The following SORBS2 variants were observed in gnomAD, a reference collection of about 807,000 sequenced individuals.
The protein encoded by SORBS2 is sorbin and SH3 domain containing 2, also known as sorbin and SH3 domain-containing protein 2.
A neutral mutation model predicts 97.7 loss-of-function variants in SORBS2; 46 were observed. The observed-to-expected ratio is 0.47, with a 90% confidence interval of 0.37 to 0.60. SORBS2 has a LOEUF of 0.60. Ranked by LOEUF, SORBS2 falls within the 20% of genes least tolerant of loss-of-function variation. The probability of loss-of-function intolerance (pLI) is 0.00; values close to 1 mark genes in which losing one functional copy is unlikely to be tolerated. For synonymous variants in SORBS2, 476 were observed against 473.4 expected (o/e 1.01, Z -0.07); for missense variants, 1,316 against 1,282.3 (o/e 1.03, Z -0.40).
At chr4:185,657,481 C>T (rs748231747), upstream of SORBS2, 40 of 1,566,902 alleles carry the variant, frequency 2.6e-5, no homozygotes, top group Admixed American at 6.5e-4. Context: ...CTGGGTAATG[C>T]GGGGCTTTGA....
chr4:185,856,699 T>C lies in SORBS2; in HGVS notation c.-337-81333A>G, dbSNP rs535448957. ...ATTTGGAGATGGGGCCTTTGGGAAG[T>C]ATATTAGTTCATTCTCAGGTTGCTA... On this transcript the variant is annotated intron_variant, in intron 1 of 20. Coordinates refer to the SORBS2 transcript ENST00000284776. 2.6e-5 allele frequency among the ~76,000 whole-genome samples: 4 copies of C among 152,282 alleles called. No individual in the cohort carries two copies. In the South Asian group the frequency reaches 8.3e-4, roughly 32 times the overall value.
chr4:185,888,607 T>C (rs1255933895), intron 1 of SORBS2, among the ~76,000 whole-genome samples: 1 of 152,250 alleles, frequency 6.6e-6, no homozygotes, highest in Admixed American at 6.5e-5. Flanking sequence ...GTGTTCTTTC[T>C]TCTAGAGTTT....
intron 1 of SORBS2, among the ~76,000 whole-genome samples, chr4:185,922,153 C>A (rs1021964925): frequency 4.6e-5 from 7 of 152,194 alleles, no homozygotes; most frequent in African/African-American, 1.4e-4. Flanking sequence ...CAGGAGAATT[C>A]TTTTAGCTTT....
intron 1 of SORBS2, among the ~76,000 whole-genome samples, chr4:185,831,213 G>C (rs1244501996): frequency 6.6e-6 from 1 of 152,050 alleles, no homozygotes; most frequent in Admixed American, 6.5e-5. Context: ...GGATATTTTG[G>C]GCTCTTCTCT....
At chr4:185,913,726 G>A (rs1221504540) in intron 1 of SORBS2, among the ~76,000 whole-genome samples, 1 of 152,082 alleles carries the variant, frequency 6.6e-6, no homozygotes, top group Non-Finnish European at 1.5e-5. Flanking sequence ...AAAACTAGAA[G>A]AGATTCTCAT....
At chr4:185,877,874 C>CAAAAAAAAAAAAAAAAAAAAAAAAA (rs1435447743) in intron 1 of SORBS2, among the ~76,000 whole-genome samples, 1 of 81,128 alleles carries the variant, frequency 1.2e-5, no homozygotes, top group Non-Finnish European at 2.5e-5. Context: ...TGTCAAAAAA[C>CAAAAAAAAAAAAAAAAAAAAAAAAA]AAAAAAAAAA....
At chr4:185,664,577 C>T (rs2097570359) in intron 4 of SORBS2, among the ~76,000 whole-genome samples, 1 of 152,136 alleles carries the variant, frequency 6.6e-6, no homozygotes, top group Non-Finnish European at 1.5e-5. Flanking sequence ...GAGGGACTCG[C>T]TATGGGGTTA....
chr4:185,940,284 C>A (rs1375296477), intron 1 of SORBS2, among the ~76,000 whole-genome samples: 1 of 152,228 alleles, frequency 6.6e-6, no homozygotes, highest in African/African-American at 2.4e-5. Flanking sequence ...CCAGTTACCA[C>A]TTGCAGGATC....
exon 15 of SORBS2, chr4:185,586,219 C>G (rs2095800171): frequency 2.0e-5 from 3 of 152,734 alleles, no homozygotes; most frequent in African/African-American, 7.2e-5. Flanking sequence ...ATGAACAGTT[C>G]TTATGCAAAG....
intron 2 of SORBS2, among the ~76,000 whole-genome samples, chr4:185,685,536 A>C (rs190611942): frequency 6.6e-6 from 1 of 152,244 alleles, no homozygotes; most frequent in African/African-American, 2.4e-5. Flanking sequence ...TTACTTTTTA[A>C]ATTTTTATTT....
At chr4:185,942,596 G>A (rs566467766) in intron 1 of SORBS2, among the ~76,000 whole-genome samples, 11 of 152,102 alleles carry the variant, frequency 7.2e-5, no homozygotes, top group Admixed American at 1.3e-4. Context: ...TGATCCACCC[G>A]CCTCGGCCTC....
At chr4:185,858,016 T>C (rs1434232858) in intron 1 of SORBS2, among the ~76,000 whole-genome samples, 1 of 152,192 alleles carries the variant, frequency 6.6e-6, no homozygotes, top group Admixed American at 6.5e-5. Context: ...TGTGACCTAC[T>C]CCCTGTTCAT....
In SORBS2 at chr4:185,643,860, C is replaced by T. The variant is rs115611814; in HGVS notation, c.396+2808G>A. ...ATGCATGAATAAGACCTTGATACCC[C>T]TCAGCGCTGGCCATCGCTGCGACGC... On this transcript the variant is annotated intron_variant, in intron 4 of 14. Transcript: ENST00000418609. Among the ~76,000 whole-genome samples the T allele has an allele frequency of 3.1e-3, 465 of 152,288 alleles. 2 individuals carry two copies. Among genetic ancestry groups the T allele is most frequent in the African/African-American group, 0.011 (452 of 41,562 alleles).
intron 1 of SORBS2, among the ~76,000 whole-genome samples, chr4:185,786,997 A>G (rs1227784467): frequency 1.5e-5 from 2 of 136,160 alleles, no homozygotes; most frequent in African/African-American, 2.8e-5. Flanking sequence ...AAAAAAAAAT[A>G]GCAGACAACC....
chr4:185,602,439 A>G (rs1040031561), intron 12 of SORBS2, among the ~76,000 whole-genome samples: 4 of 152,264 alleles, frequency 2.6e-5, no homozygotes, highest in Non-Finnish European at 4.4e-5. Context: ...TGTAATCTAT[A>G]AAGTGGTAGG....
intron 1 of SORBS2, among the ~76,000 whole-genome samples, chr4:185,898,480 G>A (rs1173131912): frequency 1.3e-5 from 2 of 152,214 alleles, no homozygotes; most frequent in East Asian, 1.9e-4. Context: ...TTCACTGGAC[G>A]ATGAAAGACT....
intron 1 of SORBS2, among the ~76,000 whole-genome samples, chr4:185,798,178 C>T (rs2099114638): frequency 6.6e-6 from 1 of 152,134 alleles, no homozygotes; most frequent in African/African-American, 2.4e-5. Flanking sequence ...CATGCCAGAC[C>T]TCACCCTACA....
chr4:185,606,071 CT>C lies in SORBS2; in HGVS notation c.2796+5708del. ...AAGTGCTGTTTTTCTTTTCTGTTGT[CT>C]TTGTTTATTATTAGCATTATTATTT... On this transcript the variant is annotated intron_variant, in intron 12 of 14. Transcript: ENST00000418609. The surrounding 1 kb of genome is among the most constrained non-coding windows in gnomAD (Gnocchi z 4.3). 13 of 984,724 alleles carry C rather than the reference CT, an allele frequency of 1.3e-5. No homozygotes were observed. The South Asian group carries it at 6.1e-4, about 46-fold the overall frequency. The allele number at this position is 984,724 out of a possible 1,614,324, so 61.0% of individuals were successfully genotyped here.
At position 185,649,700 on chromosome 4, in the gene SORBS2, T is replaced by A. The variant is rs765453020; in HGVS notation, c.92-44A>T. On this transcript the variant is annotated intron_variant, in intron 2 of 14. Coordinates refer to ENST00000418609, the Ensembl canonical transcript of SORBS2. ...AAAGCAGACAAAAAACAGAAGCAAA[T>A]CACCTCTTAAAAATGAATTAAATTA... 44 of 1,257,338 alleles carry A rather than the reference T, an allele frequency of 3.5e-5. No individual in the cohort carries two copies. The East Asian group carries it at 6.2e-4, about 18-fold the overall frequency. The allele number at this position is 1,257,338 out of a possible 1,614,324, so 77.9% of individuals were successfully genotyped here. A position where few individuals can be genotyped will look rare whatever the true frequency, so the allele number is the denominator to read the frequency against.
Sources: allele counts gnomAD v4.1 joint callset (sites outside exome capture counted in the v4.1 genomes callset), GRCh38; gene constraint gnomAD v4.1.1; non-coding constraint Gnocchi (gnomAD v3.1); transcripts MANE v1.5; gene names NCBI Gene and HGNC (gene_info 2026-07-23, HGNC 2026-07-21).